The following CTDSPL2 variants were observed in gnomAD, a reference collection of about 807,000 sequenced individuals.
The protein encoded by CTDSPL2 is CTD small phosphatase like 2.
A neutral mutation model predicts 60.0 loss-of-function variants in CTDSPL2; 5 were observed. The observed-to-expected ratio is 0.08, with a 90% CI of 0.04 to 0.18. The LOEUF (loss-of-function observed/expected upper bound fraction) is 0.18, where lower values mean the gene tolerates loss of function less well. Among genes scored for constraint, CTDSPL2 ranks in the 10% least tolerant of loss-of-function variants. The probability of loss-of-function intolerance (pLI) is 1.00; values close to 1 mark genes in which losing one functional copy is unlikely to be tolerated. For missense variants in CTDSPL2, 370 were observed against 548.8 expected, an observed-to-expected ratio of 0.67 and a Z score of 3.26; for synonymous variants, 186 against 189.3, an observed-to-expected ratio of 0.98 and a Z score of 0.14.
At position 44,435,926 on chromosome 15, in the gene CTDSPL2, T is replaced by C. The variant is rs1487682403; in HGVS notation, c.-25+8154T>C. Among the ~76,000 whole-genome samples, 6 of 152,140 alleles carry C rather than the reference T, an allele frequency of 3.9e-5. No homozygotes were observed. The East Asian group carries it at 1.2e-3, about 29-fold the overall frequency. ...CTGGCCAAGTTGATATTTTATATAATGCTCCTATACTTAGTCCTTCTTCCC... is the reference window on the plus strand; with the variant it reads ...CTGGCCAAGTTGATATTTTATATAACGCTCCTATACTTAGTCCTTCTTCCC... On this transcript the variant is annotated intron_variant, in intron 1 of 12. Coordinates refer to ENST00000260327, the MANE Select transcript of CTDSPL2 (RefSeq NM_016396.3).
At chr15:44,450,472 T>C (rs2080311202) in intron 1 of CTDSPL2, among the ~76,000 whole-genome samples, 1 of 152,084 alleles carries the variant, frequency 6.6e-6, no homozygotes, top group African/African-American at 2.4e-5. Flanking sequence ...GGTTATTTCA[T>C]TTGAGGTGAT....
intron 4 of CTDSPL2, among the ~76,000 whole-genome samples, chr15:44,490,270 T>G (rs2081193229): frequency 6.6e-6 from 1 of 152,142 alleles, no homozygotes; most frequent in Admixed American, 6.6e-5. Flanking sequence ...CATGAGTAGC[T>G]GGGATCACAG....
Position 44,490,997 on chromosome 15 carries a change from C to G in CTDSPL2, c.689C>G (p.Thr230Arg). Residue 230 changes from threonine to arginine, a missense_variant and splice_region_variant, in exon 5 of 13, where the codon ACA becomes AGA. Transcript: ENST00000260327. ...GTTAATCGTGATATCCCACCCCTTACAGGTGAAGAAAATTTCTTTTCTTAT... is the reference window on the plus strand; with the variant it reads ...GTTAATCGTGATATCCCACCCCTTAGAGGTGAAGAAAATTTCTTTTCTTAT... ...ETVNRDIPPL[T>R]APVTPDSGYS... 1 of 1,609,876 alleles carries G rather than the reference C, an allele frequency of 6.2e-7. No individual in the cohort carries two copies. Among genetic ancestry groups the G allele is most frequent in the South Asian group, 1.1e-5 (1 of 90,308 alleles).
chr15:44,515,591 C>T (rs1482898852), intron 10 of CTDSPL2, among the ~76,000 whole-genome samples: 1 of 152,108 alleles, frequency 6.6e-6, no homozygotes, highest in Admixed American at 6.5e-5. Flanking sequence ...TTTAATAGGG[C>T]CAGGCGCGGT....
At chr15:44,488,561 C>T (rs1304465296) in intron 4 of CTDSPL2, among the ~76,000 whole-genome samples, 5 of 152,034 alleles carry the variant, frequency 3.3e-5, no homozygotes, top group South Asian at 2.1e-4. Flanking sequence ...GCCTGTAATC[C>T]GAGCACTTTG....
intron 2 of CTDSPL2, among the ~76,000 whole-genome samples, chr15:44,464,978 T>G (rs929967456): frequency 1.3e-5 from 2 of 152,180 alleles, no homozygotes; most frequent in Non-Finnish European, 1.5e-5. Flanking sequence ...AGTGCTGGGA[T>G]TACAGGCGTG....
At chr15:44,457,194 C>T (rs577212393) in intron 1 of CTDSPL2, among the ~76,000 whole-genome samples, 1 of 152,312 alleles carries the variant, frequency 6.6e-6, no homozygotes, top group East Asian at 1.9e-4. Context: ...AAGCCAGGCA[C>T]TGACTTCTCA....
At chr15:44,445,501 T>A (rs1252856369) in intron 1 of CTDSPL2, among the ~76,000 whole-genome samples, 2 of 152,006 alleles carry the variant, frequency 1.3e-5, no homozygotes, top group Non-Finnish European at 2.9e-5. Flanking sequence ...AGGTTCTAGA[T>A]TTTTGAATTC....
At chr15:44,456,703 A>G (rs939584799) in intron 1 of CTDSPL2, among the ~76,000 whole-genome samples, 6 of 151,078 alleles carry the variant, frequency 4.0e-5, no homozygotes, top group Admixed American at 2.0e-4. Context: ...TCCTGGATTC[A>G]TTGATTTTTT....
chr15:44,459,116 G>T lies in CTDSPL2; in HGVS notation c.102G>T (p.Leu34=). 5 of 1,613,204 alleles carry T rather than the reference G, an allele frequency of 3.1e-6. No homozygotes were observed. The highest frequency in any genetic ancestry group is 4.2e-6 in the Non-Finnish European group (5 of 1,179,524). Residue 34 remains leucine (L), a synonymous_variant, in exon 2 of 13, where the codon CTG becomes CTT. Transcript: ENST00000260327. ...KRKYSEVDDS[L]PSGGEKPSKN... ...AATATTCAGAGGTTGATGATAGCCT[G>T]CCTTCAGGAGGAGAAAAACCATCGA...
intron 1 of CTDSPL2, among the ~76,000 whole-genome samples, chr15:44,453,106 C>T (rs1268227624): frequency 6.6e-6 from 1 of 151,946 alleles, no homozygotes; most frequent in Non-Finnish European, 1.5e-5. Context: ...TAAGTTTCAC[C>T]TTTTTTTCTT....
chr15:44,458,338 T>C (rs548379389), intron 1 of CTDSPL2, among the ~76,000 whole-genome samples: 6 of 152,234 alleles, frequency 3.9e-5, no homozygotes, highest in Non-Finnish European at 8.8e-5. Context: ...CAGCAATTAA[T>C]TGTCTTACCT....
intron 1 of CTDSPL2, among the ~76,000 whole-genome samples, chr15:44,447,042 G>A (rs1400053977): frequency 2.0e-5 from 3 of 151,832 alleles, no homozygotes; most frequent in Non-Finnish European, 4.4e-5. Flanking sequence ...ATGTTTTGTT[G>A]GTTATAAATA....
At chr15:44,439,398 C>A (rs1020901911) in intron 1 of CTDSPL2, among the ~76,000 whole-genome samples, 1 of 152,004 alleles carries the variant, frequency 6.6e-6, no homozygotes, top group African/African-American at 2.4e-5. Flanking sequence ...CTGCCTGCCC[C>A]CCCATCCCCA....
At chr15:44,473,099 G>A (rs1048593470) in intron 2 of CTDSPL2, among the ~76,000 whole-genome samples, 7 of 151,454 alleles carry the variant, frequency 4.6e-5, no homozygotes, top group African/African-American at 1.7e-4. Context: ...ACCCAGCCAT[G>A]AGTTCTTGAT....
intron 1 of CTDSPL2, among the ~76,000 whole-genome samples, chr15:44,443,649 G>A (rs1015415386): frequency 2.0e-5 from 3 of 151,954 alleles, no homozygotes; most frequent in South Asian, 2.1e-4. Flanking sequence ...TAGCATTTCC[G>A]TGATAATTAG....
chr15:44,514,531 C>A, intron 8 of CTDSPL2, 67 bp from the exon 9 acceptor site: 1 of 927,786 alleles, frequency 1.1e-6, no homozygotes, highest in South Asian at 1.3e-5. Context: ...GAATACAGCA[C>A]ATCTTAAAAA....
chr15:44,460,030 C>A (rs1043647970), intron 2 of CTDSPL2, among the ~76,000 whole-genome samples: 2 of 152,110 alleles, frequency 1.3e-5, no homozygotes, highest in Non-Finnish European at 2.9e-5. Flanking sequence ...GGCACTGATA[C>A]CAACTGCTTC....
chr15:44,490,756 A>G (rs1478800590), intron 4 of CTDSPL2, 28 bp from the exon 5 acceptor site: 1 of 1,567,778 alleles, frequency 6.4e-7, no homozygotes, highest in Non-Finnish European at 8.8e-7. Flanking sequence ...TTTTTAAATG[A>G]TGATAGTACA....
Sources: allele counts gnomAD v4.1 joint callset (sites outside exome capture counted in the v4.1 genomes callset), GRCh38; gene constraint gnomAD v4.1.1; transcripts MANE v1.5; gene names NCBI Gene and HGNC (gene_info 2026-07-23, HGNC 2026-07-21).